The following CSGALNACT1 variants were observed in gnomAD, a reference collection of about 807,000 sequenced individuals.
CSGALNACT1 encodes the protein beta4GalNAcT-1.
Under a neutral mutation model 51.0 loss-of-function variants are expected in CSGALNACT1, and 52 were observed. The observed-to-expected ratio is 1.02, with a 90% CI of 0.82 to 1.29. The LOEUF is 1.29. Among genes scored for constraint, CSGALNACT1 ranks in the 50% most tolerant of loss-of-function variants. CSGALNACT1 has a pLI of 0.00. For missense variants in CSGALNACT1, 935 were observed against 679.2 expected, an observed-to-expected ratio of 1.38 and a Z score of -4.19; for synonymous variants, 341 against 254.4, an observed-to-expected ratio of 1.34 and a Z score of -3.24.
chr8:19,680,427 G>A (rs912772105), intron 1 of CSGALNACT1, among the ~76,000 whole-genome samples: 1 of 151,868 alleles, frequency 6.6e-6, no homozygotes, highest in East Asian at 1.9e-4. Flanking sequence ...GTGGTGGCGG[G>A]TGCCTGTAAT....
chr8:19,610,133 T>C (rs181700797), intron 1 of CSGALNACT1, among the ~76,000 whole-genome samples: 2 of 150,830 alleles, frequency 1.3e-5, no homozygotes, highest in African/African-American at 2.5e-5. Context: ...CTACTAAAAA[T>C]ACAAAAATTA....
At chr8:19,663,159 T>C (rs528131144) in intron 1 of CSGALNACT1, among the ~76,000 whole-genome samples, 1 of 152,246 alleles carries the variant, frequency 6.6e-6, no homozygotes, top group East Asian at 1.9e-4. Flanking sequence ...GCCTCTACCA[T>C]GCCCAGTTGG....
chr8:19,538,317 T>C (rs1201768827), intron 3 of CSGALNACT1, among the ~76,000 whole-genome samples: 1 of 152,046 alleles, frequency 6.6e-6, no homozygotes, highest in African/African-American at 2.4e-5. Context: ...AGCAAGATCC[T>C]GTCTGAAAAG....
At chr8:19,617,182 T>C (rs1007090752) in intron 1 of CSGALNACT1, among the ~76,000 whole-genome samples, 1 of 152,152 alleles carries the variant, frequency 6.6e-6, no homozygotes, top group Non-Finnish European at 1.5e-5. Flanking sequence ...TTAACACTTC[T>C]ATGAGAATCT....
chr8:19,418,683 A>G (rs753221269), exon 8 of CSGALNACT1: 1 of 1,613,482 alleles, frequency 6.2e-7, no homozygotes. Flanking sequence ...GAGGGACTGC[A>G]TCATGGTGGC....
chr8:19,595,301 T>A (rs1448262000), intron 2 of CSGALNACT1, among the ~76,000 whole-genome samples: 1 of 152,204 alleles, frequency 6.6e-6, no homozygotes, highest in African/African-American at 2.4e-5. Flanking sequence ...TTTTTCTCAT[T>A]TCTCTGTGGA....
intron 3 of CSGALNACT1, among the ~76,000 whole-genome samples, chr8:19,579,010 T>C (rs939152059): frequency 6.6e-6 from 1 of 152,160 alleles, no homozygotes; most frequent in African/African-American, 2.4e-5. Flanking sequence ...AATCCAGTAA[T>C]GAGTCACAGC....
intron 1 of CSGALNACT1, among the ~76,000 whole-genome samples, chr8:19,674,125 T>C (rs1337063466): frequency 1.3e-5 from 2 of 152,106 alleles, no homozygotes; most frequent in Non-Finnish European, 2.9e-5. Flanking sequence ...CCGTCTTTAC[T>C]AAAAATACGA....
intron 1 of CSGALNACT1, among the ~76,000 whole-genome samples, chr8:19,691,160 A>G (rs2061293157): frequency 6.6e-6 from 1 of 152,220 alleles, no homozygotes; most frequent in African/African-American, 2.4e-5. Flanking sequence ...CAGCCAAGGC[A>G]AGAGGCCACG....
At chr8:19,731,857 A>G (rs1201817246) in intron 1 of CSGALNACT1, among the ~76,000 whole-genome samples, 3 of 152,226 alleles carry the variant, frequency 2.0e-5, no homozygotes, top group Admixed American at 6.5e-5. Context: ...AACTGTTGCC[A>G]TGGTTAATAA....
intron 4 of CSGALNACT1, among the ~76,000 whole-genome samples, chr8:19,493,329 T>C (rs2074782525): frequency 6.6e-6 from 1 of 152,220 alleles, no homozygotes; most frequent in Non-Finnish European, 1.5e-5. Flanking sequence ...GTTATTTATT[T>C]ATTGAGTTAA....
intron 1 of CSGALNACT1, among the ~76,000 whole-genome samples, chr8:19,630,102 C>T (rs764019504): frequency 6.6e-6 from 1 of 151,718 alleles, no homozygotes; most frequent in Admixed American, 6.6e-5. Flanking sequence ...CAACACGGGC[C>T]GAATGAAGAC....
chr8:19,618,494 G>C (rs945430531), intron 1 of CSGALNACT1, among the ~76,000 whole-genome samples: 3 of 151,716 alleles, frequency 2.0e-5, no homozygotes, highest in African/African-American at 4.8e-5. Context: ...ATAAAAATTA[G>C]CCAGGCTCAG....
At chr8:19,568,315 G>T (rs984126612) in intron 3 of CSGALNACT1, among the ~76,000 whole-genome samples, 1 of 152,074 alleles carries the variant, frequency 6.6e-6, no homozygotes, top group African/African-American at 2.4e-5. Context: ...GTAACACAAG[G>T]GTAAGTATTT....
upstream of CSGALNACT1, chr8:19,602,853 T>C (rs2050737692): frequency 6.6e-6 from 1 of 152,076 alleles, no homozygotes; most frequent in African/African-American, 2.4e-5. Context: ...TTCATGTCAA[T>C]AATGTTGTCT....
At chr8:19,434,100 A>C (rs189285049) in intron 6 of CSGALNACT1, among the ~76,000 whole-genome samples, 2 of 152,214 alleles carry the variant, frequency 1.3e-5, no homozygotes, top group African/African-American at 4.8e-5. Flanking sequence ...ATTGTTGCAA[A>C]CTTTGGTTAA....
chr8:19,666,937 GAGAGAAAAAGAAAGAAAGAAAGAAAGAA>G (rs1564384694), intron 1 of CSGALNACT1, among the ~76,000 whole-genome samples: 32 of 127,830 alleles, frequency 2.5e-4, no homozygotes, highest in African/African-American at 8.4e-4. Context: ...GACAGAGAGA[GAGAGAAAAAGAAAGAAAGAAAGAAAGAA>G]AGAAAGAAAG....
intron 1 of CSGALNACT1, among the ~76,000 whole-genome samples, chr8:19,707,288 A>C (rs539458766): frequency 2.6e-5 from 4 of 152,222 alleles, no homozygotes; most frequent in Non-Finnish European, 5.9e-5. Flanking sequence ...TAGGCATAAC[A>C]AATTACAACT....
In CSGALNACT1 at chr8:19,452,434, A is replaced by AGTG. The variant is rs2063344332; in HGVS notation, c.851+5991_851+5992insCAC. On this transcript the variant is annotated intron_variant, in intron 5 of 9. Transcript: ENST00000454498. The stretch of plus-strand genomic sequence containing the variant: ...CCCCTGGGGGAAAAAAAAAAAAAGC[A>AGTG]GGGAAGGGGAGATTTGACATAAGCA... Among the ~76,000 whole-genome samples the AGTG allele has an allele frequency of 8.6e-5, 13 of 150,346 alleles. 1 individual carries two copies. In the South Asian group the frequency reaches 2.7e-3, roughly 31 times the overall value.
Sources: gnomAD v4.1 joint callset for allele counts (sites outside exome capture counted in the v4.1 genomes callset) on GRCh38, gnomAD v4.1.1 for gene constraint, MANE v1.5 for transcripts, NCBI Gene and HGNC (gene_info 2026-07-23, HGNC 2026-07-21) for gene names.